The following PCDH11Y variants were observed in gnomAD, a reference collection of about 807,000 sequenced individuals.
PCDH11Y encodes protocadherin 11 Y-linked.
For missense variants in PCDH11Y, 12 were observed against 224.8 expected (o/e 0.05, Z 6.05); for synonymous variants, 9 against 83.6 (o/e 0.11, Z 4.87).
At chrY:5,586,232 G>A in intron 4 of PCDH11Y, among the ~76,000 whole-genome samples, 1 of 32,799 alleles carries the variant, frequency 3.0e-5, no homozygotes, top group African/African-American at 1.2e-4. Flanking sequence ...CTATCCAGGA[G>A]CATAAAATGT....
chrY:5,137,985 C>G, intron 2 of PCDH11Y, among the ~76,000 whole-genome samples: 1 of 31,861 alleles, frequency 3.1e-5, no homozygotes, highest in Non-Finnish European at 7.7e-5. Context: ...TTTTTCAGCA[C>G]ATGGAATATC....
At chrY:5,192,567 T>C (rs35572756) in intron 2 of PCDH11Y, among the ~76,000 whole-genome samples, 18 of 32,776 alleles carry the variant, frequency 5.5e-4, no homozygotes, top group Non-Finnish European at 9.0e-4. Context: ...AAAGGAAATA[T>C]TACTCTGATT....
intron 2 of PCDH11Y, among the ~76,000 whole-genome samples, chrY:5,163,833 C>T (rs2124644657): frequency 3.0e-5 from 1 of 33,738 alleles, no homozygotes; most frequent in South Asian, 6.5e-4. Flanking sequence ...TTTATAGTAA[C>T]GCAAGAACAG....
chrY:5,103,447 T>G, downstream of PCDH11Y, among the ~76,000 whole-genome samples: 2 of 31,547 alleles, frequency 6.3e-5, no homozygotes, highest in Non-Finnish European at 1.5e-4. Flanking sequence ...CATCTGAAAT[T>G]TTATGTTTTA....
intron 1 of PCDH11Y, among the ~76,000 whole-genome samples, chrY:5,015,313 G>A: frequency 3.0e-5 from 1 of 33,041 alleles, no homozygotes; most frequent in Non-Finnish European, 7.4e-5. Flanking sequence ...TAAAGTCATC[G>A]TCAATTTAGT....
intron 2 of PCDH11Y, among the ~76,000 whole-genome samples, chrY:5,161,498 T>C: frequency 9.1e-5 from 3 of 32,865 alleles, no homozygotes; most frequent in Middle Eastern, 0.015. Context: ...AAAACAATAC[T>C]GGTTCTTTTA....
intron 2 of PCDH11Y, among the ~76,000 whole-genome samples, chrY:5,343,224 A>G: frequency 3.2e-5 from 1 of 30,977 alleles, no homozygotes; most frequent in Non-Finnish European, 7.8e-5. Context: ...CAAACTAAGC[A>G]TGCATATTAT....
intron 2 of PCDH11Y, among the ~76,000 whole-genome samples, chrY:5,284,291 G>T: frequency 6.2e-5 from 2 of 32,208 alleles, no homozygotes; most frequent in South Asian, 1.4e-3. Context: ...AGAAAATATG[G>T]CACACTGATT....
chrY:5,536,073 C>T, intron 3 of PCDH11Y, among the ~76,000 whole-genome samples: 3 of 31,955 alleles, frequency 9.4e-5, no homozygotes, highest in Admixed American at 2.8e-4. Flanking sequence ...TACAGGCACC[C>T]GCCACAAGGC....
chrY:5,025,088 G>A (rs2052576716), intron 1 of PCDH11Y, among the ~76,000 whole-genome samples: 1 of 32,817 alleles, frequency 3.0e-5, no homozygotes, highest in Admixed American at 2.9e-4. Context: ...ATATGTAAAC[G>A]GAAGTCACAA....
intron 1 of PCDH11Y, among the ~76,000 whole-genome samples, chrY:5,031,707 A>G: frequency 3.1e-5 from 1 of 32,762 alleles, no homozygotes; most frequent in Non-Finnish European, 7.6e-5. Context: ...CATAAAACAC[A>G]ATCTTTATGT....
At chrY:5,231,202 GC>G (rs2052967498) in intron 2 of PCDH11Y, among the ~76,000 whole-genome samples, 1 of 32,389 alleles carries the variant, frequency 3.1e-5, no homozygotes, top group Non-Finnish European at 7.5e-5. Flanking sequence ...TGGTGGTGAT[GC>G]TAGTAGATAT....
intron 2 of PCDH11Y, among the ~76,000 whole-genome samples, chrY:5,115,356 A>G: frequency 3.3e-5 from 1 of 30,070 alleles, no homozygotes; most frequent in Non-Finnish European, 7.8e-5. Context: ...TCTGTGGTGA[A>G]TAATCACAAA....
chrY:5,139,046 A>T, intron 2 of PCDH11Y, among the ~76,000 whole-genome samples: 1 of 33,604 alleles, frequency 3.0e-5, no homozygotes, highest in Non-Finnish European at 7.4e-5. Context: ...ATCCACCACG[A>T]TCACGTGGGT....
At chrY:5,685,833 CA>C (rs2053562502) in intron 4 of PCDH11Y, among the ~76,000 whole-genome samples, 1 of 31,998 alleles carries the variant, frequency 3.1e-5, no homozygotes, top group Admixed American at 2.9e-4. Context: ...TTACTCCCTC[CA>C]AAATGTGCCT....
At chrY:5,012,484 G>A in intron 1 of PCDH11Y, among the ~76,000 whole-genome samples, 2 of 29,502 alleles carry the variant, frequency 6.8e-5, no homozygotes, top group Non-Finnish European at 1.6e-4. Context: ...AGAACAGCAA[G>A]GGGAAAATCC....
At chrY:5,428,575 T>C (rs2124680292) in intron 2 of PCDH11Y, among the ~76,000 whole-genome samples, 3 of 33,142 alleles carry the variant, frequency 9.1e-5, no homozygotes, top group Admixed American at 2.8e-4. Context: ...CTAATTTCTT[T>C]TCCAAAGTTG....
At chrY:5,583,002 T>A (rs2053452069) in intron 4 of PCDH11Y, among the ~76,000 whole-genome samples, 1 of 33,315 alleles carries the variant, frequency 3.0e-5, no homozygotes, top group Non-Finnish European at 7.5e-5. Flanking sequence ...ATTTCATAAT[T>A]TGAAATCTTA....
Position 5,111,419 on chromosome Y carries a change from A to T in PCDH11Y, c.3129+10712A>T, listed in dbSNP as rs2124638853. On this transcript the variant is annotated intron_variant, in intron 2 of 4. Transcript: ENST00000400457. ...GGCCAAATAATTAGTTTTTTTACAC[A>T]AATTTAATTATCCAAAGAAACTGCT... 1.2e-4 allele frequency among the ~76,000 whole-genome samples: 4 copies of T among 33,811 alleles called. No individual in the cohort carries two copies. The East Asian group carries it at 2.3e-3, about 20-fold the overall frequency. 90.7% of individuals were successfully genotyped at this position (33,811 alleles called of 37,273 possible).
Sources: allele counts gnomAD v4.1 joint callset (sites outside exome capture counted in the v4.1 genomes callset), GRCh38; gene constraint gnomAD v4.1.1; transcripts MANE v1.5; gene names NCBI Gene and HGNC (gene_info 2026-07-23, HGNC 2026-07-21).